SOD2: variants seen among roughly 807,000 people sequenced by gnomAD.
SOD2 encodes superoxide dismutase [Mn], mitochondrial.
A neutral mutation model predicts 27.0 loss-of-function variants in SOD2; 11 were observed. The ratio of observed to expected loss-of-function variants is 0.41; its 90% CI spans 0.26 to 0.67. The LOEUF (loss-of-function observed/expected upper bound fraction) is 0.67. Ranked by LOEUF, SOD2 falls within the 30% of genes least tolerant of loss-of-function variation. SOD2 has a pLI of 0.34. For missense variants in SOD2, 250 were observed against 274.5 expected (o/e 0.91, Z 0.63); for synonymous variants, 105 against 103.0 (o/e 1.02, Z -0.12).
rs1309898034 is a variant in SOD2, at chr6:159,671,601, T to A, written c.*10892A>T. ...CCAAAACCCCATCTGCACATCACCA[T>A]CACCAAAGACCAAAGGTAGATAAAA... On this transcript the variant is annotated 3_prime_UTR_variant, in exon 5 of 5. Transcript: ENST00000538183. 6.6e-6 allele frequency: 1 copy of A among 152,012 alleles called. No homozygotes were observed. Among genetic ancestry groups the A allele is most frequent in the Non-Finnish European group, 1.5e-5 (1 of 68,026 alleles). 9.4% of individuals were successfully genotyped at this position (152,012 alleles called of 1,614,324 possible). A position where few individuals can be genotyped will look rare whatever the true frequency, so the allele number is the denominator to read the frequency against.
chr6:159,711,801 A>T (rs1187923174), intron 1 of SOD2, among the ~76,000 whole-genome samples: 6 of 101,266 alleles, frequency 5.9e-5, no homozygotes, highest in African/African-American at 1.6e-4. Flanking sequence ...TGCTCTGATC[A>T]CCATAACCAC....
chr6:159,755,964 A>C (rs904135103), intron 1 of SOD2: 3 of 205,266 alleles, frequency 1.5e-5, no homozygotes, highest in African/African-American at 7.1e-5. Flanking sequence ...GTCTGTTTAG[A>C]ATCTGTGCTG....
At chr6:159,745,474 G>A (rs145145122), upstream of SOD2, among the ~76,000 whole-genome samples, 929 of 150,504 alleles carry the variant, frequency 6.2e-3, 7 homozygotes, top group African/African-American at 0.02. Context: ...ACCTGCATAC[G>A]CCAGCTGAAC....
intron 1 of SOD2, among the ~76,000 whole-genome samples, chr6:159,759,085 G>A (rs1418448405): frequency 6.7e-6 from 1 of 149,536 alleles, no homozygotes; most frequent in Non-Finnish European, 1.5e-5. Context: ...TTGAGATGGA[G>A]TTTCGCTCTT....
chr6:159,747,510 AGGTC>A (rs1779643289), upstream of SOD2, among the ~76,000 whole-genome samples: 4 of 152,212 alleles, frequency 2.6e-5, no homozygotes, highest in African/African-American at 4.8e-5. Flanking sequence ...TTTTGGCTTA[AGGTC>A]CTATAGAGTT....
intron 1 of SOD2, among the ~76,000 whole-genome samples, chr6:159,737,726 A>G (rs1779007655): frequency 6.6e-6 from 1 of 152,172 alleles, no homozygotes; most frequent in African/African-American, 2.4e-5. Context: ...TCCCGAGTTC[A>G]AGATATACTC....
rs898337292 is a variant in SOD2 at position 159,679,701 on chromosome 6, T to C, written c.*2792A>G. The C allele has an allele frequency of 4.6e-5, 7 of 152,236 alleles. No homozygotes were observed. The highest frequency in any genetic ancestry group is 2.0e-4 in the Admixed American group (3 of 15,290). 9.4% of individuals were successfully genotyped at this position (152,236 alleles called of 1,614,324 possible). A position where few individuals can be genotyped will look rare whatever the true frequency, so the allele number is the denominator to read the frequency against. ...ACTAGGGCAGGCACTGCTGATTCAG[T>C]CACAAAAACCCTTCTTGGATGAACA... On this transcript the variant is annotated 3_prime_UTR_variant, in exon 5 of 5. Coordinates refer to ENST00000538183, the MANE Select transcript of SOD2 (RefSeq NM_000636.4).
chr6:159,707,355 T>C (rs1777646774), intron 1 of SOD2, among the ~76,000 whole-genome samples: 2 of 151,710 alleles, frequency 1.3e-5, no homozygotes, highest in Non-Finnish European at 2.9e-5. Flanking sequence ...AAGATCACAA[T>C]TGATAGACCA....
At chr6:159,729,159 G>A (rs975950432), upstream of SOD2, among the ~76,000 whole-genome samples, 1 of 152,152 alleles carries the variant, frequency 6.6e-6, no homozygotes, top group Non-Finnish European at 1.5e-5. Flanking sequence ...GGTCTCTTAT[G>A]GTCTTGTATG....
chr6:159,675,925 A>T lies in SOD2; in HGVS notation c.*6568T>A, dbSNP rs1303923336. Reference sequence around the variant, plus strand: ...AAGAAAAAAACAAACCCCATCAAAAAGTAGGTGAAGGATATGAAGAGACAC... The same window carrying T: ...AAGAAAAAAACAAACCCCATCAAAATGTAGGTGAAGGATATGAAGAGACAC... On this transcript the variant is annotated 3_prime_UTR_variant, in exon 5 of 5. Transcript: ENST00000538183. The T allele has an allele frequency of 6.6e-6, 1 of 152,242 alleles. No individual in the cohort carries two copies. Among genetic ancestry groups the T allele is most frequent in the African/African-American group, 2.4e-5 (1 of 41,468 alleles). The allele number at this position is 152,242 out of a possible 1,614,324, so 9.4% of individuals were successfully genotyped here.
chr6:159,712,923 AGG>A (rs1172909754), intron 1 of SOD2: 1 of 649,436 alleles, frequency 1.5e-6, no homozygotes, highest in East Asian at 2.8e-5. Context: ...GCATTTAAAA[AGG>A]TCTCCCTGTA....
rs1441727570 is a variant in SOD2, at chr6:159,703,249, G to A, written c.-115-10386C>T. Among the ~76,000 whole-genome samples, 3 of 152,324 alleles carry A rather than the reference G, an allele frequency of 2.0e-5. No homozygotes were observed. The South Asian group carries it at 6.2e-4, about 32-fold the overall frequency. On this transcript the variant is annotated intron_variant, in intron 1 of 2. Transcript: ENST00000401980. ...GAATAGCTTGAACCCAGGAGATGGA[G>A]GTTGCAGTGGGCCAAGATTGCGCCA...
chr6:159,729,817 G>A (rs935032926), upstream of SOD2, among the ~76,000 whole-genome samples: 2 of 152,204 alleles, frequency 1.3e-5, no homozygotes, highest in African/African-American at 2.4e-5. Flanking sequence ...AAGGTACCGT[G>A]TCTTCTTACT....
chr6:159,749,375 C>G (rs1254450490), upstream of SOD2: 5 of 983,964 alleles, frequency 5.1e-6, no homozygotes, highest in Non-Finnish European at 6.0e-6. Flanking sequence ...TGTATTTGGG[C>G]CTTTTGTATT....
At chr6:159,688,398 T>C in intron 2 of SOD2, 156 bp from the exon 3 acceptor site, 1 of 577,510 alleles carries the variant, frequency 1.7e-6, no homozygotes. Context: ...CGCCCCAAAA[T>C]TATTTGTCCC....
chr6:159,739,997 T>G (rs375612521), intron 1 of SOD2, among the ~76,000 whole-genome samples: 33 of 151,084 alleles, frequency 2.2e-4, no homozygotes, highest in South Asian at 4.2e-4. Context: ...CAATGCTGGG[T>G]TTTTTTTTGT....
rs145035539 is a variant in SOD2 at position 159,681,471 on chromosome 6, G to C, written c.*1022C>G. On this transcript the variant is annotated 3_prime_UTR_variant, in exon 5 of 5. Transcript: ENST00000538183. ...CATTCTTTGCTCTCAGTTTCTTCCT[G>C]AGGGGCCTGGCCAGACCTTAATGTT... 7 of 152,314 alleles carry C rather than the reference G, an allele frequency of 4.6e-5. No homozygotes were observed. In the East Asian group the frequency reaches 1.3e-3, roughly 29 times the overall value. The allele number at this position is 152,314 out of a possible 1,614,324, so 9.4% of individuals were successfully genotyped here.
At chr6:159,758,708 G>C (rs1219555198) in intron 1 of SOD2, among the ~76,000 whole-genome samples, 1 of 152,160 alleles carries the variant, frequency 6.6e-6, no homozygotes. Context: ...CTAGTGGTAA[G>C]GAGTACACTG....
intron 1 of SOD2, among the ~76,000 whole-genome samples, chr6:159,752,700 T>C (rs1583107994): frequency 1.3e-5 from 2 of 152,326 alleles, no homozygotes; most frequent in South Asian, 4.1e-4. Flanking sequence ...TCAATTAATA[T>C]AATAGATAAT....
Sources: gnomAD v4.1 joint callset for allele counts (sites outside exome capture counted in the v4.1 genomes callset) on GRCh38, gnomAD v4.1.1 for gene constraint, MANE v1.5 for transcripts, NCBI Gene and HGNC (gene_info 2026-07-23, HGNC 2026-07-21) for gene names.